The following ESR1 variants were observed in gnomAD, a reference collection of about 807,000 sequenced individuals.
ESR1 encodes the protein estrogen receptor 1.
Under a neutral mutation model 52.7 loss-of-function variants are expected in ESR1, and 12 were observed. The ratio of observed to expected loss-of-function variants is 0.23; its 90% CI spans 0.15 to 0.37. The LOEUF (loss-of-function observed/expected upper bound fraction) is 0.37. Among genes scored for constraint, ESR1 ranks in the 10% least tolerant of loss-of-function variants. The probability of loss-of-function intolerance (pLI) is 1.00; values close to 1 mark genes in which losing one functional copy is unlikely to be tolerated. For missense variants in ESR1, 584 were observed against 779.7 expected, an observed-to-expected ratio of 0.75 and a Z score of 2.99; for synonymous variants, 305 against 316.8, an observed-to-expected ratio of 0.96 and a Z score of 0.39.
intron 2 of ESR1, among the ~76,000 whole-genome samples, chr6:151,867,269 T>C (rs1790083134): frequency 6.6e-6 from 1 of 151,952 alleles, no homozygotes; most frequent in Non-Finnish European, 1.5e-5. Flanking sequence ...ACAAATGGGA[T>C]CTAATTAAAC....
At chr6:151,839,724 GT>G (rs1390597744) in intron 1 of ESR1, among the ~76,000 whole-genome samples, 2 of 152,068 alleles carry the variant, frequency 1.3e-5, no homozygotes, top group Non-Finnish European at 2.9e-5. Flanking sequence ...CAAAAGTAGG[GT>G]TTCACTTAAT....
chr6:151,809,168 G>T (rs1420530726), intron 1 of ESR1: 3 of 450,728 alleles, frequency 6.7e-6, no homozygotes. Context: ...AGAATGCCCC[G>T]GAGTGGCGTG....
chr6:151,949,051 G>A (rs1004268130), intron 4 of ESR1, among the ~76,000 whole-genome samples: 2 of 152,146 alleles, frequency 1.3e-5, no homozygotes, highest in Non-Finnish European at 2.9e-5. Context: ...GCTCTCTAAG[G>A]CTGTGACATT....
chr6:152,109,977 C>G (rs2051112599), intron 6 of ESR1, among the ~76,000 whole-genome samples: 1 of 152,206 alleles, frequency 6.6e-6, no homozygotes, highest in South Asian at 2.1e-4. Flanking sequence ...AGCATACACA[C>G]CCACATTCAT....
At chr6:152,122,764 A>T (rs1027036416) in intron 6 of ESR1, 1 of 1,596,038 alleles carries the variant, frequency 6.3e-7, no homozygotes, top group Non-Finnish European at 8.5e-7. Flanking sequence ...TGGAAGCTAA[A>T]GGGCCATGCC....
Position 151,990,749 on chromosome 6 carries a change from C to T in ESR1, c.1097-20907C>T, listed in dbSNP as rs748989215. 3.3e-4 allele frequency among the ~76,000 whole-genome samples: 50 copies of T among 152,132 alleles called. 1 individual carries two copies. Among genetic ancestry groups the T allele is most frequent in the Admixed American group, 1.3e-4 (2 of 15,270 alleles). On this transcript the variant is annotated intron_variant, in intron 4 of 7. Transcript: ENST00000206249. The stretch of plus-strand genomic sequence containing the variant: ...CATTCTCCACACAATAACGAAATGA[C>T]GTCTTCTCAACCTTGGCAATGTAGC...
At chr6:151,818,804 T>TACACAC (rs1247555867) in intron 1 of ESR1, among the ~76,000 whole-genome samples, 17 of 138,708 alleles carry the variant, frequency 1.2e-4, no homozygotes, top group African/African-American at 5.3e-4. Context: ...TATATACACA[T>TACACAC]ATATACACAC....
At chr6:151,768,097 A>G (rs1334784089) in intron 2 of ESR1, among the ~76,000 whole-genome samples, 2 of 152,218 alleles carry the variant, frequency 1.3e-5, no homozygotes, top group Admixed American at 1.3e-4. Flanking sequence ...AGGACCAGAA[A>G]CAGGATATTT....
intron 1 of ESR1, among the ~76,000 whole-genome samples, chr6:151,827,674 A>G (rs1241554013): frequency 6.6e-6 from 1 of 152,212 alleles, no homozygotes; most frequent in African/African-American, 2.4e-5. Context: ...ATTATATTTT[A>G]AAAGTTAAAA....
intron 1 of ESR1, among the ~76,000 whole-genome samples, chr6:151,661,712 T>A (rs1777643956): frequency 1.3e-5 from 2 of 152,148 alleles, no homozygotes; most frequent in South Asian, 4.1e-4. Context: ...AGCGACCTGA[T>A]GGGAAGTGAT....
At chr6:151,993,628 C>T (rs1057461154) in intron 4 of ESR1, among the ~76,000 whole-genome samples, 1 of 152,202 alleles carries the variant, frequency 6.6e-6, no homozygotes, top group African/African-American at 2.4e-5. Context: ...GTTTTCTGCC[C>T]TACTATTCCT....
chr6:152,049,995 C>G (rs2046546506), intron 5 of ESR1, among the ~76,000 whole-genome samples: 2 of 152,168 alleles, frequency 1.3e-5, no homozygotes, highest in Admixed American at 1.3e-4. Context: ...CAAAAAGAAT[C>G]TTTTTTGCTT....
chr6:151,868,129 T>C (rs827417), intron 2 of ESR1, among the ~76,000 whole-genome samples: 40,111 of 151,764 alleles, frequency 0.26, 6,466 homozygotes, highest in Middle Eastern at 0.38. Context: ...TTGTTTTTTT[T>C]TGTTTGTTTG....
intron 2 of ESR1, among the ~76,000 whole-genome samples, chr6:151,706,476 C>G (rs1163863773): frequency 6.6e-6 from 1 of 152,168 alleles, no homozygotes; most frequent in Non-Finnish European, 1.5e-5. Context: ...AGCACAAGGC[C>G]ATCCCAGGGC....
intron 6 of ESR1, chr6:152,122,793 C>T (rs552244403): frequency 3.0e-5 from 45 of 1,514,318 alleles, no homozygotes; most frequent in East Asian, 1.6e-4. Flanking sequence ...CCCAGCCTGG[C>T]GATCAGCTGC....
At chr6:151,741,529 G>A (rs974951941) in intron 2 of ESR1, among the ~76,000 whole-genome samples, 8 of 152,160 alleles carry the variant, frequency 5.3e-5, no homozygotes, top group African/African-American at 1.9e-4. Flanking sequence ...TTGCCCAGCA[G>A]TTAGAGATGA....
At chr6:151,876,376 G>A (rs971901852) in intron 2 of ESR1, among the ~76,000 whole-genome samples, 1 of 152,158 alleles carries the variant, frequency 6.6e-6, no homozygotes, top group African/African-American at 2.4e-5. Flanking sequence ...GATTTGATCT[G>A]AAGTGACCAC....
intron 3 of ESR1, among the ~76,000 whole-genome samples, chr6:151,903,218 C>T (rs1208495634): frequency 6.6e-6 from 1 of 152,106 alleles, no homozygotes; most frequent in Non-Finnish European, 1.5e-5. Flanking sequence ...TTAGAATTCC[C>T]TGGAAGTCAT....
At chr6:152,035,902 A>G (rs1401428200) in intron 5 of ESR1, among the ~76,000 whole-genome samples, 1 of 152,212 alleles carries the variant, frequency 6.6e-6, no homozygotes, top group Non-Finnish European at 1.5e-5. Context: ...TGTAAAAACA[A>G]TAATTCCAGA....
Sources: allele counts gnomAD v4.1 joint callset (sites outside exome capture counted in the v4.1 genomes callset), GRCh38; gene constraint gnomAD v4.1.1; transcripts MANE v1.5; gene names NCBI Gene and HGNC (gene_info 2026-07-23, HGNC 2026-07-21).